PRSS23: variants seen among roughly 807,000 people sequenced by gnomAD.
PRSS23 encodes serine protease 23, also known as protease, serine 23.
Under a neutral mutation model 34.7 loss-of-function variants are expected in PRSS23, and 25 were observed. The observed-to-expected ratio is 0.72, with a 90% CI of 0.53 to 1.01. The LOEUF (loss-of-function observed/expected upper bound fraction) is 1.01. Ranked by LOEUF, PRSS23 falls within the 50% of genes least tolerant of loss-of-function variation. The probability of loss-of-function intolerance (pLI) is 0.00; values close to 1 mark genes in which losing one functional copy is unlikely to be tolerated. For synonymous variants in PRSS23, 176 were observed against 186.6 expected (o/e 0.94, Z 0.46); for missense variants, 445 against 475.6 (o/e 0.94, Z 0.60).
downstream of PRSS23, among the ~76,000 whole-genome samples, chr11:86,814,768 G>C (rs1488672185): frequency 6.6e-6 from 1 of 152,168 alleles, no homozygotes; most frequent in Non-Finnish European, 1.5e-5. Context: ...GGACAGCTCT[G>C]CCCACAAGAA....
chr11:86,861,449 G>A (rs993877316), intron 2 of PRSS23, among the ~76,000 whole-genome samples: 13 of 151,564 alleles, frequency 8.6e-5, no homozygotes, highest in African/African-American at 2.2e-4. Flanking sequence ...CTGTGACAGC[G>A]TTTGTATTAT....
intron 2 of PRSS23, among the ~76,000 whole-genome samples, chr11:86,849,294 T>G (rs1312706220): frequency 6.6e-6 from 1 of 152,226 alleles, no homozygotes; most frequent in Non-Finnish European, 1.5e-5. Flanking sequence ...TGGGAGACTT[T>G]GCTCTCTTCA....
At chr11:86,885,118 T>C (rs1948793994) in intron 2 of PRSS23, among the ~76,000 whole-genome samples, 1 of 152,198 alleles carries the variant, frequency 6.6e-6, no homozygotes, top group Non-Finnish European at 1.5e-5. Flanking sequence ...TGGCCTAAAA[T>C]AAGTATTCGG....
At chr11:86,920,598 C>A (rs1949041906) in intron 2 of PRSS23, among the ~76,000 whole-genome samples, 1 of 151,984 alleles carries the variant, frequency 6.6e-6, no homozygotes, top group African/African-American at 2.4e-5. Context: ...TGGAGTTTGC[C>A]AGAGGAGACT....
chr11:86,946,426 G>A (rs1049486453), intron 2 of PRSS23: 2 of 152,184 alleles, frequency 1.3e-5, no homozygotes, highest in African/African-American at 4.8e-5. Flanking sequence ...GAAATTCTGG[G>A]AATTGGCTGA....
At chr11:86,919,147 C>T (rs1227786297) in intron 2 of PRSS23, among the ~76,000 whole-genome samples, 1 of 152,208 alleles carries the variant, frequency 6.6e-6, no homozygotes, top group Admixed American at 6.5e-5. Context: ...CATCCCCAAG[C>T]AGCGGGGCCC....
intron 2 of PRSS23, among the ~76,000 whole-genome samples, chr11:86,829,462 T>C (rs1948332475): frequency 6.6e-6 from 1 of 152,070 alleles, no homozygotes; most frequent in Admixed American, 6.6e-5. Context: ...GCTCATAGTT[T>C]GATTGTCTGA....
intron 2 of PRSS23, among the ~76,000 whole-genome samples, chr11:86,853,527 T>A (rs1389569135): frequency 6.6e-6 from 1 of 152,128 alleles, no homozygotes; most frequent in African/African-American, 2.4e-5. Context: ...AATGCTAGGA[T>A]TACAGGTGTG....
rs767282211 is a variant in PRSS23 at position 86,808,105 on chromosome 11, G to A, written c.462G>A (p.Val154=). 3 of 1,614,154 alleles carry A rather than the reference G, an allele frequency of 1.9e-6. No individual in the cohort carries two copies. The highest frequency in any genetic ancestry group is 2.5e-6 in the Non-Finnish European group (3 of 1,180,038). Residue 154 remains valine (V), a synonymous_variant, in exon 2 of 2, where the codon GTG becomes GTA. Coordinates refer to ENST00000280258, the MANE Select transcript of PRSS23 (RefSeq NM_007173.6). ...TCAACTACCCTTTCTCAACATCAGTGAAGTTATCCACGGGCTGCACCGGCA... is the reference window on the plus strand; with the variant it reads ...TCAACTACCCTTTCTCAACATCAGTAAAGTTATCCACGGGCTGCACCGGCA... ...FLLNYPFSTS[V]KLSTGCTGTL...
intron 2 of PRSS23, among the ~76,000 whole-genome samples, chr11:86,879,993 T>C (rs1948761881): frequency 6.6e-6 from 1 of 151,974 alleles, no homozygotes; most frequent in African/African-American, 2.4e-5. Context: ...GGCGGTTTTG[T>C]GGAATAGAAA....
At chr11:86,874,786 A>G (rs375508563) in intron 2 of PRSS23, among the ~76,000 whole-genome samples, 2 of 152,170 alleles carry the variant, frequency 1.3e-5, no homozygotes, top group East Asian at 1.9e-4. Flanking sequence ...CTGCTCCACA[A>G]TGTCTGAGGC....
chr11:86,835,511 C>T lies in PRSS23; in HGVS notation c.206+11918C>T, dbSNP rs189656933. ...AGGGCCTGGAAAGCTGCTTCTGCTT[C>T]AGGGGTCCATCTTACTAAATGGGTA... On this transcript the variant is annotated intron_variant, in intron 2 of 2. Transcript: ENST00000533902. 1.3e-3 allele frequency among the ~76,000 whole-genome samples: 200 copies of T among 152,324 alleles called. 1 individual carries two copies. Among genetic ancestry groups the T allele is most frequent in the African/African-American group, 4.6e-3 (190 of 41,576 alleles).
At chr11:86,856,556 G>C (rs1387467764) in intron 2 of PRSS23, among the ~76,000 whole-genome samples, 1 of 152,148 alleles carries the variant, frequency 6.6e-6, no homozygotes, top group East Asian at 1.9e-4. Flanking sequence ...TGAATTTGAT[G>C]TACAGTATGT....
At chr11:86,793,561 A>G (rs969339249) in intron 1 of PRSS23, among the ~76,000 whole-genome samples, 3 of 152,210 alleles carry the variant, frequency 2.0e-5, no homozygotes, top group African/African-American at 7.2e-5. Context: ...ATGAACTGTA[A>G]GGAAACAATG....
chr11:86,800,375 C>G (rs1948015891), upstream of PRSS23: 1 of 903,518 alleles, frequency 1.1e-6, no homozygotes, highest in African/African-American at 1.8e-5. Context: ...GGCTGCTCCA[C>G]CCTGCTCCGG....
At chr11:86,818,144 T>C (rs1346610501) in intron 1 of PRSS23, among the ~76,000 whole-genome samples, 4 of 152,184 alleles carry the variant, frequency 2.6e-5, no homozygotes, top group South Asian at 4.1e-4. Context: ...GCAGAGAAGA[T>C]ACACCAGAAA....
rs772131787 is a variant in PRSS23 at position 86,951,193 on chromosome 11, CTT to C, written c.207-22_207-21del. On this transcript the variant is annotated intron_variant, in intron 2 of 2. Transcript: ENST00000533902. ...CAGGCTTCACCCAACCATTTCCTCT[CTT>C]CTCTCTCTTTACCTTTCCAGAATTC... The C allele has an allele frequency of 6.8e-6, 11 of 1,613,980 alleles. No individual in the cohort carries two copies.
intron 2 of PRSS23, among the ~76,000 whole-genome samples, chr11:86,908,685 G>C (rs1235476632): frequency 1.3e-5 from 2 of 152,074 alleles, no homozygotes; most frequent in Non-Finnish European, 2.9e-5. Flanking sequence ...ATGTTTATTA[G>C]GTAATAATAA....
chr11:86,934,761 T>C (rs574583917), intron 2 of PRSS23: 64 of 152,308 alleles, frequency 4.2e-4, no homozygotes, highest in African/African-American at 1.5e-3. Context: ...AAGATAGTGG[T>C]GGGTAATCAA....
Sources: gnomAD v4.1 joint callset for allele counts (sites outside exome capture counted in the v4.1 genomes callset) on GRCh38, gnomAD v4.1.1 for gene constraint, MANE v1.5 for transcripts, NCBI Gene and HGNC (gene_info 2026-07-23, HGNC 2026-07-21) for gene names.